The following WDR36 variants were observed in gnomAD, a reference collection of about 807,000 sequenced individuals.
WDR36 encodes the protein WD repeat-containing protein 36.
In WDR36, 63 loss-of-function variants were observed where a neutral mutation model predicts 112.7. The observed-to-expected ratio is 0.56, with a 90% CI of 0.46 to 0.69. The LOEUF (loss-of-function observed/expected upper bound fraction) is 0.69. WDR36 is among the 30% of genes least tolerant of loss of function. WDR36 has a pLI of 0.00. For missense variants in WDR36, 1,226 were observed against 1,070.3 expected, an observed-to-expected ratio of 1.15 and a Z score of -2.03; for synonymous variants, 410 against 362.2, an observed-to-expected ratio of 1.13 and a Z score of -1.50.
At chr5:111,096,707 A>G (rs1417383203) in intron 2 of WDR36, among the ~76,000 whole-genome samples, 2 of 152,046 alleles carry the variant, frequency 1.3e-5, no homozygotes, top group East Asian at 3.9e-4. Context: ...CCGTCTCTCA[A>G]AAAAAAGAAA....
Position 111,130,416 on chromosome 5 carries a change from C to G in WDR36, c.*3533C>G. 1 of 180,178 alleles carries G rather than the reference C, an allele frequency of 5.6e-6. No individual in the cohort carries two copies. The highest frequency in any genetic ancestry group is 9.2e-5 in the East Asian group (1 of 10,908). 11.2% of individuals were successfully genotyped at this position (180,178 alleles called of 1,614,324 possible). A position where few individuals can be genotyped will look rare whatever the true frequency, so the allele number is the denominator to read the frequency against. On this transcript the variant is annotated 3_prime_UTR_variant, in exon 23 of 23. Transcript: ENST00000513710. ...ATTTCTCTTCAAGAACAATGAATGT[C>G]TTCATTAAATCATCTTTTGTGGGAG...
intron 16 of WDR36, among the ~76,000 whole-genome samples, chr5:111,115,465 A>G (rs951946949): frequency 1.3e-5 from 2 of 152,214 alleles, no homozygotes; most frequent in Non-Finnish European, 2.9e-5. Context: ...AAGGTGACTT[A>G]GTTTATAAAT....
chr5:111,098,900 A>G, intron 4 of WDR36, 61 bp downstream of exon 4: 1 of 1,186,442 alleles, frequency 8.4e-7, no homozygotes, highest in Non-Finnish European at 1.3e-6. Context: ...TTAAAATTTA[A>G]AATCTATGTA....
chr5:111,092,715 G>C, intron 1 of WDR36, 97 bp downstream of exon 1: 1 of 1,368,778 alleles, frequency 7.3e-7, no homozygotes, highest in Non-Finnish European at 1.0e-6. Flanking sequence ...CATTTACCAC[G>C]GGCTTCCCTT....
chr5:111,111,253 G>C lies in WDR36; in HGVS notation c.1691G>C (p.Gly564Ala). 6.2e-7 allele frequency: 1 copy of C among 1,611,460 alleles called. No homozygotes were observed. Among genetic ancestry groups the C allele is most frequent in the South Asian group, 1.1e-5 (1 of 91,052 alleles). ...ETRKIVREFS[G>A]HQGQINDMAF... is the part of the protein sequence containing the mutation. ...AGGAAGATTGTCAGAGAGTTTTCTG[G>C]ACACCAAGGCCAAATAAATGACATG... Residue 564 changes from glycine (G) to alanine (A), a missense_variant, in exon 15 of 23, where the codon GGA (glycine) becomes GCA (alanine). Gly to Ala is a moderately conservative substitution (Grantham distance 60, BLOSUM62 0). Coordinates refer to ENST00000513710, the MANE Select transcript of WDR36 (RefSeq NM_139281.3).
chr5:111,096,955 C>A, intron 2 of WDR36, 124 bp from the exon 3 acceptor site: 1 of 665,858 alleles, frequency 1.5e-6, no homozygotes, highest in South Asian at 1.8e-5. Context: ...CACTGATTCT[C>A]AACTTTGATC....
chr5:111,098,916 C>T, intron 4 of WDR36, 77 bp downstream of exon 4: 2 of 1,050,010 alleles, frequency 1.9e-6, no homozygotes, highest in East Asian at 4.8e-5. Context: ...ATGTAAACAT[C>T]TATGCCAGAG....
At chr5:111,113,043 T>A in intron 15 of WDR36, 31 bp from the exon 16 acceptor site, 2 of 406,900 alleles carry the variant, frequency 4.9e-6, no homozygotes, top group South Asian at 5.1e-5. Context: ...ATAATATATA[T>A]ATATATATAT....
At chr5:111,099,450 T>G (rs1753068019) in intron 4 of WDR36, among the ~76,000 whole-genome samples, 1 of 93,976 alleles carries the variant, frequency 1.1e-5, no homozygotes, top group Non-Finnish European at 2.2e-5. Context: ...GGTTTTTTTT[T>G]GTTTTTTTTT....
intron 12 of WDR36, among the ~76,000 whole-genome samples, chr5:111,108,996 A>G (rs1055739312): frequency 3.3e-5 from 5 of 151,398 alleles, no homozygotes; most frequent in East Asian, 1.9e-4. Context: ...GCACTAAAGT[A>G]CAATTTGTTA....
intron 3 of WDR36, among the ~76,000 whole-genome samples, chr5:111,098,025 A>G (rs897707216): frequency 3.3e-5 from 5 of 152,252 alleles, no homozygotes; most frequent in Non-Finnish European, 7.3e-5. Flanking sequence ...TCCTATATGT[A>G]TAACCTATAT....
At chr5:111,126,619 A>T in intron 22 of WDR36, 115 bp from the exon 23 acceptor site, 1 of 1,223,604 alleles carries the variant, frequency 8.2e-7, no homozygotes, top group Non-Finnish European at 1.2e-6. Flanking sequence ...ACCAGCGCTT[A>T]AGAAAACAAA....
At chr5:111,110,642 C>A in intron 13 of WDR36, 146 bp from the exon 14 acceptor site, 4 of 865,660 alleles carry the variant, frequency 4.6e-6, no homozygotes, top group Non-Finnish European at 7.3e-6. Context: ...TCTTCTTACA[C>A]CCCTAAAATC....
At chr5:111,110,978 T>C (rs765780833) in intron 14 of WDR36, 25 bp downstream of exon 14, 4 of 1,609,150 alleles carry the variant, frequency 2.5e-6, no homozygotes, top group African/African-American at 2.7e-5. Context: ...ATAATGGATT[T>C]TCTCTTTGAT....
intron 16 of WDR36, among the ~76,000 whole-genome samples, chr5:111,118,588 T>C (rs930018193): frequency 1.3e-5 from 2 of 152,302 alleles, no homozygotes; most frequent in Non-Finnish European, 1.5e-5. Flanking sequence ...TTTTGTTATA[T>C]TACTTTCTCC....
intron 17 of WDR36, among the ~76,000 whole-genome samples, chr5:111,120,228 T>G (rs970785036): frequency 6.6e-6 from 1 of 152,144 alleles, no homozygotes; most frequent in African/African-American, 2.4e-5. Context: ...TGAAATTTAC[T>G]TTACCTTATA....
Position 111,111,042 on chromosome 5 carries a change from C to A in WDR36, c.1607+89C>A, listed in dbSNP as rs13161853. 0.47 allele frequency: 727,681 copies of A among 1,557,842 alleles called. 175,411 individuals are homozygous for A. Among genetic ancestry groups the A allele is most frequent in the South Asian group, 0.67 (60,140 of 89,650 alleles). ...TTTACCAAGTGGGAAAAATCAGACT[C>A]TTTAATAAAGAACAACATTTGGCTT... On this transcript the variant is annotated intron_variant, in intron 14 of 22. Coordinates refer to ENST00000513710, the MANE Select transcript of WDR36 (RefSeq NM_139281.3).
intron 3 of WDR36, 31 bp downstream of exon 3, chr5:111,097,210 T>G: frequency 6.6e-7 from 1 of 1,522,580 alleles, no homozygotes; most frequent in Non-Finnish European, 9.1e-7. Context: ...TGTTTGTCAG[T>G]CAGTATTTGT....
At chr5:111,125,297 A>C (rs1753655454) in intron 21 of WDR36, among the ~76,000 whole-genome samples, 1 of 152,184 alleles carries the variant, frequency 6.6e-6, no homozygotes, top group African/African-American at 2.4e-5. Context: ...CTCTGAGAGA[A>C]GATATATGAG....
Sources: allele counts gnomAD v4.1 joint callset (sites outside exome capture counted in the v4.1 genomes callset), GRCh38; gene constraint gnomAD v4.1.1; transcripts MANE v1.5; gene names NCBI Gene and HGNC (gene_info 2026-07-23, HGNC 2026-07-21).